The following VEPH1 variants were observed in gnomAD, a reference collection of about 807,000 sequenced individuals.
The protein encoded by VEPH1 is ventricular zone expressed PH domain containing 1.
Under a neutral mutation model 85.2 loss-of-function variants are expected in VEPH1, and 80 were observed. The observed-to-expected ratio is 0.94, with a 90% CI of 0.78 to 1.13. The LOEUF is 1.13. Among genes scored for constraint, VEPH1 ranks in the 50% most tolerant of loss-of-function variants. The pLI is 0.00. For missense variants in VEPH1, 955 were observed against 980.5 expected, an observed-to-expected ratio of 0.97 and a Z score of 0.35; for synonymous variants, 297 against 348.0, an observed-to-expected ratio of 0.85 and a Z score of 1.63.
chr3:157,359,752 A>G (rs1028863536), intron 9 of VEPH1, among the ~76,000 whole-genome samples: 1 of 152,228 alleles, frequency 6.6e-6, no homozygotes, highest in Non-Finnish European at 1.5e-5. Context: ...CTGAAGTATT[A>G]TGTGGAACCA....
At chr3:157,425,686 T>A (rs1435603924) in intron 5 of VEPH1, among the ~76,000 whole-genome samples, 1 of 152,236 alleles carries the variant, frequency 6.6e-6, no homozygotes, top group Non-Finnish European at 1.5e-5. Flanking sequence ...AGAAGGCACT[T>A]GCCTTGTCTT....
At chr3:157,441,231 G>C (rs1734093857) in intron 4 of VEPH1, among the ~76,000 whole-genome samples, 1 of 152,138 alleles carries the variant, frequency 6.6e-6, no homozygotes, top group Non-Finnish European at 1.5e-5. Context: ...TCTGTGACCA[G>C]ACTGCAAAAA....
intron 4 of VEPH1, among the ~76,000 whole-genome samples, chr3:157,444,607 C>T (rs898781177): frequency 1.3e-5 from 2 of 152,072 alleles, no homozygotes. Context: ...GACTTGAACT[C>T]CCAGCTGGAA....
At chr3:157,498,960 A>G (rs1485951597) in intron 1 of VEPH1, among the ~76,000 whole-genome samples, 2 of 152,104 alleles carry the variant, frequency 1.3e-5, no homozygotes, top group Non-Finnish European at 2.9e-5. Flanking sequence ...CTACACATCA[A>G]CCTTTTTGCT....
At chr3:157,472,998 T>C (rs1275732410) in intron 2 of VEPH1, among the ~76,000 whole-genome samples, 1 of 152,124 alleles carries the variant, frequency 6.6e-6, no homozygotes, top group African/African-American at 2.4e-5. Flanking sequence ...TATTTTGTCT[T>C]TTTGTTGTTG....
intron 5 of VEPH1, among the ~76,000 whole-genome samples, chr3:157,416,992 A>C (rs1731970867): frequency 6.6e-6 from 1 of 152,176 alleles, no homozygotes; most frequent in Non-Finnish European, 1.5e-5. Flanking sequence ...AGTTGAATCC[A>C]TAGAAAGAGC....
At chr3:157,369,690 G>C (rs188425111) in intron 7 of VEPH1, among the ~76,000 whole-genome samples, 12 of 151,952 alleles carry the variant, frequency 7.9e-5, no homozygotes, top group Admixed American at 1.3e-4. Flanking sequence ...AGAGGGTTTG[G>C]GTTTATCATA....
rs181189026 is a variant in VEPH1, at chr3:157,429,479, C to T, written c.530-991G>A. ...TCAGAATATCAATATCTAAATTTAA[C>T]GAAAGCGTGATTCTGGATAAAACTG... On this transcript the variant is annotated intron_variant, in intron 4 of 13. Transcript: ENST00000362010. Among the ~76,000 whole-genome samples, 11 of 152,132 alleles carry T rather than the reference C, an allele frequency of 7.2e-5. No homozygotes were observed. In the East Asian group the frequency reaches 1.2e-3, roughly 16 times the overall value.
chr3:157,399,584 T>A (rs1480095972), intron 6 of VEPH1, among the ~76,000 whole-genome samples: 1 of 152,200 alleles, frequency 6.6e-6, no homozygotes, highest in Non-Finnish European at 1.5e-5. Flanking sequence ...AAGGTCAAGC[T>A]ATCTAGTAAT....
intron 7 of VEPH1, among the ~76,000 whole-genome samples, chr3:157,367,317 A>G (rs1165938436): frequency 1.3e-5 from 2 of 152,214 alleles, no homozygotes; most frequent in East Asian, 3.8e-4. Context: ...GACATCTTAT[A>G]GCCAGAAGAT....
chr3:157,499,018 T>A (rs1186622444), intron 1 of VEPH1, among the ~76,000 whole-genome samples: 1 of 152,186 alleles, frequency 6.6e-6, no homozygotes, highest in Non-Finnish European at 1.5e-5. Context: ...ACTCTGCAGG[T>A]AGATATTACC....
intron 6 of VEPH1, among the ~76,000 whole-genome samples, chr3:157,398,031 A>G (rs1442294889): frequency 6.6e-6 from 1 of 152,172 alleles, no homozygotes; most frequent in Non-Finnish European, 1.5e-5. Flanking sequence ...AACCAATCAC[A>G]GGAAACTCCC....
intron 9 of VEPH1, among the ~76,000 whole-genome samples, chr3:157,318,867 G>A (rs1466780744): frequency 6.6e-6 from 1 of 152,170 alleles, no homozygotes; most frequent in East Asian, 1.9e-4. Context: ...GCAATATAGT[G>A]AGACCACGTC....
chr3:157,261,704 CTT>C (rs1006170057), intron 13 of VEPH1, among the ~76,000 whole-genome samples: 3 of 152,110 alleles, frequency 2.0e-5, no homozygotes, highest in African/African-American at 7.2e-5. Context: ...GTGCTATTAA[CTT>C]ATAACTTCAG....
At chr3:157,459,852 C>T in intron 4 of VEPH1, 1 of 1,536,098 alleles carries the variant, frequency 6.5e-7, no homozygotes, top group Non-Finnish European at 8.7e-7. Flanking sequence ...GTGTTCCACT[C>T]AGTACACAGA....
chr3:157,439,203 C>A (rs1262661184), intron 4 of VEPH1, among the ~76,000 whole-genome samples: 1 of 152,100 alleles, frequency 6.6e-6, no homozygotes, highest in East Asian at 1.9e-4. Context: ...GTTTCGCAAA[C>A]CACGTAAAGT....
chr3:157,486,572 G>A (rs1451770168), intron 2 of VEPH1, among the ~76,000 whole-genome samples: 3 of 151,540 alleles, frequency 2.0e-5, no homozygotes, highest in Admixed American at 6.6e-5. Flanking sequence ...GGTTCTACCA[G>A]TTACTAGCTA....
chr3:157,405,905 T>C (rs1310145820), intron 6 of VEPH1, among the ~76,000 whole-genome samples: 1 of 152,132 alleles, frequency 6.6e-6, no homozygotes, highest in East Asian at 1.9e-4. Flanking sequence ...CAGTACTGGG[T>C]CTTACAGTTA....
chr3:157,385,397 T>A (rs1194473325), intron 6 of VEPH1, among the ~76,000 whole-genome samples: 1 of 152,128 alleles, frequency 6.6e-6, no homozygotes, highest in African/African-American at 2.4e-5. Context: ...AATCTTTTGG[T>A]TTTAGGACCG....
Sources: allele counts gnomAD v4.1 joint callset (sites outside exome capture counted in the v4.1 genomes callset), GRCh38; gene constraint gnomAD v4.1.1; transcripts MANE v1.5; gene names NCBI Gene and HGNC (gene_info 2026-07-23, HGNC 2026-07-21).